The following ZNF804B variants were observed in gnomAD, a reference collection of about 807,000 sequenced individuals.
ZNF804B encodes the protein zinc finger 804B.
ZNF804B carries 80 observed loss-of-function variants against 101.4 expected under a neutral mutation model. The observed-to-expected ratio is 0.79, with a 90% confidence interval of 0.66 to 0.95. The LOEUF (loss-of-function observed/expected upper bound fraction) is 0.95, where lower values mean the gene tolerates loss of function less well. Among genes scored for constraint, ZNF804B ranks in the 40% least tolerant of loss-of-function variants. ZNF804B has a pLI of 0.00. For synonymous variants in ZNF804B, 622 were observed against 558.8 expected, an observed-to-expected ratio of 1.11 and a Z score of -1.59; for missense variants, 1,673 against 1,561.9, an observed-to-expected ratio of 1.07 and a Z score of -1.20.
intron 1 of ZNF804B, among the ~76,000 whole-genome samples, chr7:89,200,341 G>T (rs1201695802): frequency 1.3e-5 from 2 of 152,016 alleles, no homozygotes; most frequent in South Asian, 2.1e-4. Context: ...CCCTAACACA[G>T]TAAGAGTTTA....
intron 1 of ZNF804B, chr7:88,794,908 T>C (rs530273890): frequency 6.2e-7 from 1 of 1,604,788 alleles, no homozygotes; most frequent in South Asian, 1.1e-5. Context: ...CAAAGGCCTT[T>C]TGCTGCCCTT....
chr7:88,931,957 A>C (rs780729710), intron 1 of ZNF804B, among the ~76,000 whole-genome samples: 1 of 151,836 alleles, frequency 6.6e-6, no homozygotes, highest in East Asian at 1.9e-4. Flanking sequence ...GAGAGGAAAA[A>C]TGTGTTTTCT....
chr7:89,070,504 C>A (rs181564949), intron 1 of ZNF804B, among the ~76,000 whole-genome samples: 1 of 152,262 alleles, frequency 6.6e-6, no homozygotes, highest in Non-Finnish European at 1.5e-5. Context: ...CTGCTGTCTG[C>A]TAATACCATC....
intron 1 of ZNF804B, among the ~76,000 whole-genome samples, chr7:89,022,143 T>G (rs1461960880): frequency 1.3e-5 from 2 of 152,078 alleles, no homozygotes; most frequent in African/African-American, 4.8e-5. Context: ...GGCTCATTAG[T>G]CTCTCTACAG....
chr7:89,003,589 A>C (rs1344642452), intron 1 of ZNF804B, among the ~76,000 whole-genome samples: 2 of 151,922 alleles, frequency 1.3e-5, no homozygotes, highest in Admixed American at 1.3e-4. Flanking sequence ...TTTAGCATCA[A>C]CTCTTTCAAT....
intron 1 of ZNF804B, among the ~76,000 whole-genome samples, chr7:88,854,515 T>TTCCCTTC (rs1791516929): frequency 1.5e-5 from 1 of 64,620 alleles, no homozygotes; most frequent in African/African-American, 8.3e-5. Flanking sequence ...TCCTTTCCTT[T>TTCCCTTC]CCTTTCCTTC....
chr7:89,247,866 C>A (rs945727189), intron 2 of ZNF804B, among the ~76,000 whole-genome samples: 1 of 152,044 alleles, frequency 6.6e-6, no homozygotes, highest in Non-Finnish European at 1.5e-5. Flanking sequence ...TAATGCAATT[C>A]AGGAAAGGAA....
rs143060528 is a variant in ZNF804B, at chr7:89,210,206, A to C, written c.109-7949A>C. On this transcript the variant is annotated intron_variant, in intron 1 of 3. Coordinates refer to ENST00000333190, the MANE Select transcript of ZNF804B (RefSeq NM_181646.5). The stretch of plus-strand genomic sequence containing the variant: ...GGAGAAATCAACATTAGTAATATTA[A>C]TGTTAATTAAGTACATATTATGCTC... 3.1e-3 allele frequency among the ~76,000 whole-genome samples: 477 copies of C among 152,188 alleles called. 4 individuals carry two copies. The highest frequency in any genetic ancestry group is 0.011 in the African/African-American group (445 of 41,514).
intron 2 of ZNF804B, among the ~76,000 whole-genome samples, chr7:89,230,314 AG>A (rs1789170586): frequency 6.7e-6 from 1 of 150,068 alleles, no homozygotes; most frequent in African/African-American, 2.5e-5. Flanking sequence ...AGGGGGAGAG[AG>A]AGAGAGAGAG....
In ZNF804B at chr7:89,186,837, G is replaced by T. The variant is rs1788381769; in HGVS notation, c.109-31318G>T. 2.6e-5 allele frequency among the ~76,000 whole-genome samples: 4 copies of T among 152,226 alleles called. No individual in the cohort carries two copies. The South Asian group carries it at 8.3e-4, about 32-fold the overall frequency. On this transcript the variant is annotated intron_variant, in intron 1 of 3. Coordinates refer to ENST00000333190, the MANE Select transcript of ZNF804B (RefSeq NM_181646.5). ...CCTGGAGTAATATGATATAGCAGTT[G>T]TGTTGCATTTTTGGGGAACTGAGAA...
At chr7:89,044,527 G>A (rs141606987) in intron 1 of ZNF804B, among the ~76,000 whole-genome samples, 51 of 152,202 alleles carry the variant, frequency 3.4e-4, no homozygotes, top group African/African-American at 1.2e-3. Flanking sequence ...AGAAAATATG[G>A]GAAAGTTTGG....
intron 1 of ZNF804B, among the ~76,000 whole-genome samples, chr7:88,905,874 G>A (rs1792462334): frequency 7.4e-6 from 1 of 135,112 alleles, no homozygotes; most frequent in African/African-American, 2.8e-5. Context: ...GAATTCAGCT[G>A]TTAATCCATT....
intron 1 of ZNF804B, among the ~76,000 whole-genome samples, chr7:89,092,993 A>G (rs1322800948): frequency 1.3e-5 from 2 of 152,212 alleles, no homozygotes; most frequent in African/African-American, 2.4e-5. Context: ...TAAATCATAC[A>G]TATACATATA....
chr7:88,862,156 C>A (rs1184105945), intron 1 of ZNF804B, among the ~76,000 whole-genome samples: 15 of 152,136 alleles, frequency 9.9e-5, no homozygotes, highest in Non-Finnish European at 1.8e-4. Flanking sequence ...GACTAAAGGA[C>A]ATGTAGTATA....
intron 1 of ZNF804B, among the ~76,000 whole-genome samples, chr7:89,049,641 A>G (rs1174703669): frequency 6.6e-6 from 1 of 152,042 alleles, no homozygotes; most frequent in Non-Finnish European, 1.5e-5. Flanking sequence ...TGAAGTTTCA[A>G]GTGACAGAAA....
intron 1 of ZNF804B, among the ~76,000 whole-genome samples, chr7:88,863,488 A>G (rs1583983470): frequency 6.6e-6 from 1 of 152,220 alleles, no homozygotes; most frequent in South Asian, 2.1e-4. Flanking sequence ...TCCATGTTAC[A>G]TGTAACTGGA....
intron 1 of ZNF804B, among the ~76,000 whole-genome samples, chr7:88,827,790 C>T (rs1791070795): frequency 6.6e-6 from 1 of 152,036 alleles, no homozygotes; most frequent in African/African-American, 2.4e-5. Flanking sequence ...AAGCGTAGGA[C>T]CATTCTGAAC....
chr7:89,041,640 G>A (rs1334051210), intron 1 of ZNF804B, among the ~76,000 whole-genome samples: 1 of 152,160 alleles, frequency 6.6e-6, no homozygotes, highest in Non-Finnish European at 1.5e-5. Flanking sequence ...TTGGTGGGAT[G>A]GGGCTGGTGT....
intron 1 of ZNF804B, among the ~76,000 whole-genome samples, chr7:89,204,983 G>T (rs1464036551): frequency 1.3e-5 from 2 of 152,104 alleles, no homozygotes; most frequent in African/African-American, 2.4e-5. Context: ...AGGCTTAATT[G>T]ACTCACAGGT....
Sources: allele counts gnomAD v4.1 joint callset (sites outside exome capture counted in the v4.1 genomes callset), GRCh38; gene constraint gnomAD v4.1.1; transcripts MANE v1.5; gene names NCBI Gene and HGNC (gene_info 2026-07-23, HGNC 2026-07-21).